The following CENPC variants were observed in gnomAD, a reference collection of about 807,000 sequenced individuals.
CENPC encodes the protein CENP-C 1.
Under a neutral mutation model 112.1 loss-of-function variants are expected in CENPC, and 63 were observed. That is an observed-to-expected ratio of 0.56 (90% CI 0.46 to 0.69). CENPC has a LOEUF of 0.69. Among genes scored for constraint, CENPC ranks in the 30% least tolerant of loss-of-function variants. CENPC has a pLI of 0.00. For missense variants in CENPC, 1,000 were observed against 1,103.8 expected, an observed-to-expected ratio of 0.91 and a Z score of 1.33; for synonymous variants, 333 against 367.6, an observed-to-expected ratio of 0.91 and a Z score of 1.08.
intron 5 of CENPC, among the ~76,000 whole-genome samples, chr4:67,529,946 T>G (rs2109824340): frequency 6.6e-6 from 1 of 152,090 alleles, no homozygotes; most frequent in East Asian, 1.9e-4. Context: ...AGATTTAATA[T>G]ATAATAAAAG....
intron 12 of CENPC, 23 bp from the exon 13 acceptor site, chr4:67,495,235 T>G: frequency 6.6e-7 from 1 of 1,508,994 alleles, no homozygotes; most frequent in Non-Finnish European, 8.9e-7. Flanking sequence ...AAAGATAATA[T>G]CATAAGAAAT....
At chr4:67,505,071 T>TCTAA (rs774483828) in intron 12 of CENPC, 134 bp downstream of exon 12, 1 of 648,168 alleles carries the variant, frequency 1.5e-6, no homozygotes, top group Non-Finnish European at 2.7e-6. Flanking sequence ...CTTATTAATC[T>TCTAA]CTAACTAAGG....
intron 2 of CENPC, among the ~76,000 whole-genome samples, chr4:67,543,186 T>G (rs1480655985): frequency 6.6e-6 from 1 of 152,198 alleles, no homozygotes; most frequent in Non-Finnish European, 1.5e-5. Flanking sequence ...ATATCCATTT[T>G]ATGGCTCAAT....
In CENPC at chr4:67,505,303, C is replaced by A; in HGVS notation, c.2052-19G>T. ...AGGTCCACTTAAGAAAAAAAGGAAACCACAAAATTAATGCTTTTATAATAC... is the reference window on the plus strand; with the variant it reads ...AGGTCCACTTAAGAAAAAAAGGAAAACACAAAATTAATGCTTTTATAATAC... On this transcript the variant is annotated intron_variant, in intron 11 of 18. Coordinates refer to ENST00000273853, the MANE Select transcript of CENPC (RefSeq NM_001812.4). 7.1e-7 allele frequency: 1 copy of A among 1,408,806 alleles called. No homozygotes were observed. 87.3% of individuals were successfully genotyped at this position (1,408,806 alleles called of 1,614,324 possible). A position where few individuals can be genotyped will look rare whatever the true frequency, so the allele number is the denominator to read the frequency against.
intron 9 of CENPC, among the ~76,000 whole-genome samples, chr4:67,511,247 A>AAAT (rs1282415311): frequency 6.6e-6 from 1 of 152,194 alleles, no homozygotes; most frequent in African/African-American, 2.4e-5. Context: ...GCAACAAAAT[A>AAAT]AATACTTGCT....
chr4:67,532,758 GA>G (rs1262222431), intron 4 of CENPC, among the ~76,000 whole-genome samples: 1 of 151,812 alleles, frequency 6.6e-6, no homozygotes, highest in African/African-American at 2.4e-5. Flanking sequence ...GGGGTAGGGG[GA>G]GGGGGGAAGG....
chr4:67,496,505 C>A (rs1251709858), intron 12 of CENPC, among the ~76,000 whole-genome samples: 3 of 151,948 alleles, frequency 2.0e-5, no homozygotes, highest in Non-Finnish European at 4.4e-5. Context: ...TACCTTTTTT[C>A]CCTAAAAAGC....
intron 17 of CENPC, among the ~76,000 whole-genome samples, chr4:67,475,308 T>TC (rs1724773519): frequency 6.6e-6 from 1 of 152,242 alleles, no homozygotes; most frequent in Non-Finnish European, 1.5e-5. Context: ...GCACTAAAGA[T>TC]GTGGGGCCAT....
intron 3 of CENPC, among the ~76,000 whole-genome samples, chr4:67,540,359 A>G (rs1296381532): frequency 6.6e-6 from 1 of 152,176 alleles, no homozygotes; most frequent in Non-Finnish European, 1.5e-5. Flanking sequence ...AGAATTCTAC[A>G]CATCTATTTT....
intron 4 of CENPC, among the ~76,000 whole-genome samples, chr4:67,532,203 T>C (rs1158546862): frequency 1.3e-5 from 2 of 152,168 alleles, no homozygotes; most frequent in African/African-American, 4.8e-5. Flanking sequence ...TGAGACACTA[T>C]TTCACAATAG....
At chr4:67,538,162 A>G (rs1191907193) in intron 4 of CENPC, among the ~76,000 whole-genome samples, 1 of 152,208 alleles carries the variant, frequency 6.6e-6, no homozygotes, top group Non-Finnish European at 1.5e-5. Context: ...ACAAACACAG[A>G]GTAGAACCTT....
intron 17 of CENPC, among the ~76,000 whole-genome samples, chr4:67,477,705 C>A (rs576122692): frequency 1.3e-5 from 2 of 152,300 alleles, no homozygotes; most frequent in East Asian, 3.9e-4. Context: ...ACAAATAAAT[C>A]TCTGAATTGC....
At chr4:67,474,308 G>C (rs1724747237) in intron 18 of CENPC, among the ~76,000 whole-genome samples, 1 of 152,014 alleles carries the variant, frequency 6.6e-6, no homozygotes, top group East Asian at 1.9e-4. Flanking sequence ...CTTGTGATTT[G>C]CCCACTTTGG....
intron 17 of CENPC, among the ~76,000 whole-genome samples, chr4:67,481,830 G>C (rs186422621): frequency 1.7e-4 from 26 of 152,254 alleles, no homozygotes; most frequent in Admixed American, 5.9e-4. Context: ...AACCCTTCCA[G>C]ACATTGGCTT....
chr4:67,505,271 G>C lies in CENPC; in HGVS notation c.2065C>G (p.Leu689Val). 1 of 1,564,872 alleles carries C rather than the reference G, an allele frequency of 6.4e-7. No homozygotes were observed. Among genetic ancestry groups the C allele is most frequent in the Non-Finnish European group, 8.7e-7 (1 of 1,155,730 alleles). The change falls in exon 12 of 19, where the codon CTC becomes GTC. Residue 689 changes from leucine (L) to valine (V), a missense_variant. Coordinates refer to ENST00000273853, the MANE Select transcript of CENPC (RefSeq NM_001812.4). Reference protein sequence around the residue: ...SVLEESGPSRLNNNYLMSGKN... With the variant: ...SVLEESGPSRVNNNYLMSGKN... ...CCAGACATTAAATAATTATTATTGAGCCTGGAAGGTCCACTTAAGAAAAAA... is the reference window on the plus strand; with the variant it reads ...CCAGACATTAAATAATTATTATTGACCCTGGAAGGTCCACTTAAGAAAAAA...
chr4:67,509,207 TACACAC>T (rs36207189), intron 9 of CENPC, 102 bp from the exon 10 acceptor site: 30,688 of 482,678 alleles, frequency 0.064, 349 homozygotes, highest in Admixed American at 0.072. Context: ...CATATACACA[TACACAC>T]ACACACACAC....
intron 10 of CENPC, among the ~76,000 whole-genome samples, chr4:67,507,804 G>A (rs1040725603): frequency 4.6e-5 from 7 of 152,028 alleles, no homozygotes; most frequent in South Asian, 2.1e-4. Context: ...GCAAGCTACC[G>A]ATCAGAACCC....
intron 5 of CENPC, among the ~76,000 whole-genome samples, chr4:67,526,801 G>A (rs746471064): frequency 6.6e-6 from 1 of 151,898 alleles, no homozygotes; most frequent in African/African-American, 2.4e-5. Context: ...TAGCAATAGT[G>A]CACAATAATT....
intron 5 of CENPC, among the ~76,000 whole-genome samples, chr4:67,521,847 C>T (rs909836109): frequency 1.3e-5 from 2 of 152,084 alleles, no homozygotes; most frequent in African/African-American, 4.8e-5. Context: ...AGACATTATG[C>T]TTAGTGAAAT....
Sources: allele counts gnomAD v4.1 joint callset (sites outside exome capture counted in the v4.1 genomes callset), GRCh38; gene constraint gnomAD v4.1.1; transcripts MANE v1.5; gene names NCBI Gene and HGNC (gene_info 2026-07-23, HGNC 2026-07-21).